TECTA: variants seen among roughly 807,000 people sequenced by gnomAD.
TECTA encodes alpha-tectorin.
In TECTA, 128 loss-of-function variants were observed where a neutral mutation model predicts 216.8. The ratio of observed to expected loss-of-function variants is 0.59; its 90% CI spans 0.51 to 0.68. The LOEUF is 0.68. TECTA is among the 30% of genes least tolerant of loss of function. The pLI, the probability that TECTA is intolerant of heterozygous loss-of-function variation, is 0.00. For missense variants in TECTA, 2,551 were observed against 2,786.2 expected, an observed-to-expected ratio of 0.92 and a Z score of 1.90; for synonymous variants, 1,089 against 1,117.1, an observed-to-expected ratio of 0.97 and a Z score of 0.50.
rs1279679236 is a variant in TECTA, at chr11:121,109,471, G to A, written c.459G>A (p.Thr153=). The A allele has an allele frequency of 2.4e-5, 39 of 1,614,114 alleles. No homozygotes were observed. The highest frequency in any genetic ancestry group is 3.1e-5 in the Non-Finnish European group (36 of 1,180,020). ...TCATTGTGACATGGGAGGAAGTCACGTTTTATGGAGGCAGCAGCACCACAC... is the reference window on the plus strand; with the variant it reads ...TCATTGTGACATGGGAGGAAGTCACATTTTATGGAGGCAGCAGCACCACAC... ...WVFIVTWEEV[T]FYGGSSTTPV... Residue 153 remains threonine (T), a synonymous_variant, in exon 4 of 24, where the codon ACG becomes ACA. Coordinates refer to ENST00000392793, the MANE Select transcript of TECTA (RefSeq NM_005422.4).
At chr11:121,141,604 G>T (rs1265318106) in intron 11 of TECTA, among the ~76,000 whole-genome samples, 1 of 152,176 alleles carries the variant, frequency 6.6e-6, no homozygotes, top group Non-Finnish European at 1.5e-5. Flanking sequence ...CCTCTCTCCT[G>T]CCCCCACCCT....
At position 121,111,335 on chromosome 11, in the gene TECTA, G is replaced by A. The variant is rs565379782; in HGVS notation, c.487-1737G>A. On this transcript the variant is annotated intron_variant, in intron 4 of 23. Coordinates refer to ENST00000392793, the MANE Select transcript of TECTA (RefSeq NM_005422.4). ...TTCAAATCTCCTAGGAGACAGAGCA[G>A]GGTTCAAACCAAAGTCTTCCAACTC... is the stretch of plus-strand genomic sequence containing the variant. 8.5e-5 allele frequency among the ~76,000 whole-genome samples: 13 copies of A among 152,316 alleles called. No homozygotes were observed. The South Asian group carries it at 2.7e-3, about 32-fold the overall frequency.
chr11:121,143,878 G>T (rs1156703248), intron 11 of TECTA, among the ~76,000 whole-genome samples: 1 of 152,210 alleles, frequency 6.6e-6, no homozygotes, highest in Non-Finnish European at 1.5e-5. Flanking sequence ...GCTTTAGCCT[G>T]GGCTACTGGG....
intron 20 of TECTA, among the ~76,000 whole-genome samples, chr11:121,175,680 C>T (rs184425423): frequency 3.9e-4 from 59 of 152,176 alleles, no homozygotes; most frequent in East Asian, 1.3e-3. Flanking sequence ...TGATTTGGGG[C>T]GGAGAGTTCT....
chr11:121,135,041 T>A (rs1328327304), intron 10 of TECTA, among the ~76,000 whole-genome samples: 2 of 152,144 alleles, frequency 1.3e-5, no homozygotes, highest in Non-Finnish European at 2.9e-5. Context: ...ACTTGAGATG[T>A]CCCCCAGGAT....
intron 12 of TECTA, among the ~76,000 whole-genome samples, chr11:121,149,641 C>T (rs1277571581): frequency 6.6e-6 from 1 of 152,188 alleles, no homozygotes; most frequent in African/African-American, 2.4e-5. Context: ...CAGAGCGAGG[C>T]CTCAAATCCA....
Position 121,105,801 on chromosome 11 carries a change from C to T in TECTA, c.65-30C>T, listed in dbSNP as rs780322323. On this transcript the variant is annotated intron_variant, in intron 2 of 23. Coordinates refer to ENST00000392793, the MANE Select transcript of TECTA (RefSeq NM_005422.4). The surrounding 1 kb of genome is among the most constrained non-coding windows in gnomAD (Gnocchi z 5.3). ...ATTGCCAAACGGCAGAGGGAGCTGC[C>T]ATCTATCTAACCATCATCTCTCTTG... 2.5e-6 allele frequency: 4 copies of T among 1,613,796 alleles called. No individual in the cohort carries two copies. The African/African-American group carries it at 5.3e-5, about 22-fold the overall frequency.
In TECTA at chr11:121,160,192, A is replaced by G. The variant is rs1299128580; in HGVS notation, c.4747A>G (p.Ser1583Gly). Reference sequence around the variant, plus strand: ...AACTGGTTTGGCAACCAAAATCTACAGCAGTGAGGGGTTTCTGGTGATTGA... The same window carrying G: ...AACTGGTTTGGCAACCAAAATCTACGGCAGTGAGGGGTTTCTGGTGATTGA... ...FITGLATKIY[S>G]SEGFLVIDTS... Residue 1583 changes from serine to glycine, a missense_variant, in exon 15 of 24, where the codon AGC becomes GGC. By Grantham distance (56) the Ser-to-Gly change is moderately conservative. Transcript: ENST00000392793. The G allele has an allele frequency of 6.2e-7, 1 of 1,614,228 alleles. No homozygotes were observed. Among genetic ancestry groups the G allele is most frequent in the South Asian group, 1.1e-5 (1 of 91,082 alleles).
intron 7 of TECTA, among the ~76,000 whole-genome samples, chr11:121,119,331 T>C (rs138057251): frequency 6.6e-6 from 1 of 152,210 alleles, no homozygotes; most frequent in East Asian, 1.9e-4. Context: ...GAAAGTCCCA[T>C]GAAAGCTCTG....
At chr11:121,172,369 T>G (rs2134201065) in intron 20 of TECTA, among the ~76,000 whole-genome samples, 1 of 151,832 alleles carries the variant, frequency 6.6e-6, no homozygotes, top group East Asian at 1.9e-4. Context: ...CCCCAGAGTG[T>G]GACGTTCCCC....
intron 4 of TECTA, among the ~76,000 whole-genome samples, chr11:121,112,301 G>A (rs1946448788): frequency 6.6e-6 from 1 of 152,166 alleles, no homozygotes; most frequent in Non-Finnish European, 1.5e-5. Flanking sequence ...TCTGAGAGAT[G>A]GACTGGGAAC....
In TECTA at chr11:121,118,473, A is replaced by G; in HGVS notation, c.958A>G (p.Ser320Gly). Residue 320 changes from serine (S) to glycine (G), a missense_variant, in exon 7 of 24, where the codon AGC becomes GGC. Around this residue, in one of 3 missense-constraint regions of TECTA, gnomAD observed 2,375 missense variants for 2,563.9 expected, o/e 0.93. Transcript: ENST00000392793. ...CTTCTACTGCAGCGCTGTGGAGACC[A>G]GCACATGCGTGGTGTTTGGGGAGCC... Reference protein sequence around the residue: ...KFFYCSAVETSTCVVFGEPHY... With the variant: ...KFFYCSAVETGTCVVFGEPHY... The G allele has an allele frequency of 6.2e-7, 1 of 1,614,206 alleles. No homozygotes were observed. The highest frequency in any genetic ancestry group is 8.5e-7 in the Non-Finnish European group (1 of 1,180,026).
chr11:121,181,473 T>C (rs577428877), intron 20 of TECTA, among the ~76,000 whole-genome samples: 6 of 150,260 alleles, frequency 4.0e-5, no homozygotes, highest in Non-Finnish European at 5.9e-5. Flanking sequence ...ATTATTATTA[T>C]GATTTTATTT....
Position 121,157,886 on chromosome 11 carries a change from T to G in TECTA, c.4351T>G (p.Cys1451Gly). The G allele has an allele frequency of 6.2e-7, 1 of 1,614,236 alleles. No individual in the cohort carries two copies. Residue 1451 changes from cysteine (C) to glycine (G), a missense_variant, in exon 14 of 24, where the codon TGT becomes GGT. Around this residue, in one of 3 missense-constraint regions of TECTA, gnomAD observed 2,375 missense variants for 2,563.9 expected, o/e 0.93. Transcript: ENST00000392793. ...WNSDCTRRCR[C>G]FRRNVIQCDP... is the part of the protein sequence containing the mutation. ...CAGCGACTGCACGCGGCGCTGCCGC[T>G]GTTTCCGTCGCAACGTGATTCAGTG...
Position 121,127,801 on chromosome 11 carries a change from C to G in TECTA, c.1824C>G (p.Ser608Arg). ...TCAGCCACTACTCCGTGTGCACAAG[C>G]AGCTGCCCCGACACATGCTCCGACC... is the stretch of plus-strand genomic sequence containing the variant. ...PSFSHYSVCT[S>R]SCPDTCSDLT... The change falls in exon 9 of 24, where the codon AGC becomes AGG. Residue 608 changes from serine to arginine, a missense_variant. Physicochemically the swap from Ser to Arg is moderately radical, Grantham distance 110. Coordinates refer to ENST00000392793, the MANE Select transcript of TECTA (RefSeq NM_005422.4). The surrounding 1 kb of genome is among the most constrained non-coding windows in gnomAD (Gnocchi z 5.0). 1 of 1,614,206 alleles carries G rather than the reference C, an allele frequency of 6.2e-7. No individual in the cohort carries two copies. The highest frequency in any genetic ancestry group is 2.2e-5 in the East Asian group (1 of 44,888).
chr11:121,189,535 G>A (rs374284086), intron 22 of TECTA, among the ~76,000 whole-genome samples: 3 of 151,894 alleles, frequency 2.0e-5, no homozygotes, highest in African/African-American at 7.3e-5. Context: ...CCCCACGCCC[G>A]GCTAATTTTT....
Position 121,113,330 on chromosome 11 carries a change from C to T in TECTA, c.624+121C>T, listed in dbSNP as rs1946460999. 8 of 1,558,170 alleles carry T rather than the reference C, an allele frequency of 5.1e-6. No homozygotes were observed. The highest frequency in any genetic ancestry group is 4.5e-5 in the South Asian group (4 of 88,540). ...TTAACTAGAGACGCAGGTCTGATCT[C>T]GCAGGTGGACTACGAGGCTAGTCCT... On this transcript the variant is annotated intron_variant, in intron 5 of 23. Transcript: ENST00000392793. This position sits in a 1 kb window ranked among gnomAD's most constrained non-coding sequence, Gnocchi z 4.2.
chr11:121,134,152 C>T (rs111915016), intron 10 of TECTA, among the ~76,000 whole-genome samples: 13 of 152,160 alleles, frequency 8.5e-5, no homozygotes, highest in East Asian at 1.9e-4. Flanking sequence ...GGGTGCTTCG[C>T]GCTCATCTTT....
chr11:121,185,495 TAATG>T (rs750912853), intron 20 of TECTA, among the ~76,000 whole-genome samples: 3,740 of 98,120 alleles, frequency 0.038, 5 homozygotes, highest in Non-Finnish European at 0.053. Flanking sequence ...GTTGAATGCT[TAATG>T]AATGAGTAGG....
Sources: allele counts gnomAD v4.1 joint callset (sites outside exome capture counted in the v4.1 genomes callset), GRCh38; gene constraint gnomAD v4.1.1; regional missense constraint gnomAD v4.1.1; non-coding constraint Gnocchi (gnomAD v3.1); transcripts MANE v1.5; gene names NCBI Gene and HGNC (gene_info 2026-07-23, HGNC 2026-07-21).